EFR3A: variants seen among roughly 807,000 people sequenced by gnomAD.
EFR3A encodes the protein protein EFR3 homolog A.
A neutral mutation model predicts 104.4 loss-of-function variants in EFR3A; 76 were observed. That is an observed-to-expected ratio of 0.73 (90% CI 0.60 to 0.88). The LOEUF (loss-of-function observed/expected upper bound fraction) is 0.88, where lower values mean the gene tolerates loss of function less well. Ranked by LOEUF, EFR3A falls within the 40% of genes least tolerant of loss-of-function variation. The probability of loss-of-function intolerance (pLI) is 0.00; values close to 1 mark genes in which losing one functional copy is unlikely to be tolerated. For synonymous variants in EFR3A, 330 were observed against 330.0 expected (o/e 1.00, Z 0.00); for missense variants, 985 against 1,012.5 (o/e 0.97, Z 0.37).
In EFR3A at chr8:131,940,623, G is replaced by GC. The variant is rs1256494872; in HGVS notation, c.87+54dup. The GC allele has an allele frequency of 1.1e-5, 17 of 1,565,140 alleles. No individual in the cohort carries two copies. In the East Asian group the frequency reaches 1.9e-4, roughly 17 times the overall value. ...ATCCTTCTCTTTGCTGACCCATTCT[G>GC]CCCCCCGCTGACCTCCTTAAGGTTT... is the stretch of plus-strand genomic sequence containing the variant. On this transcript the variant is annotated intron_variant, in intron 2 of 22. Transcript: ENST00000254624.
At chr8:131,925,899 A>C (rs968053048) in intron 1 of EFR3A, among the ~76,000 whole-genome samples, 1 of 152,146 alleles carries the variant, frequency 6.6e-6, no homozygotes, top group Non-Finnish European at 1.5e-5. Flanking sequence ...GTATACAATA[A>C]TGAATATGCC....
chr8:131,904,156 G>A lies in EFR3A; in HGVS notation c.-157G>A. 1.1e-6 allele frequency: 1 copy of A among 887,630 alleles called. No individual in the cohort carries two copies. 55.0% of individuals were successfully genotyped at this position (887,630 alleles called of 1,614,324 possible). On this transcript the variant is annotated 5_prime_UTR_variant, in exon 1 of 23. Transcript: ENST00000254624. Reference sequence around the variant, plus strand: ...GTAGCTGTCGCCCGCTTGGTTGCGTGACCGCGGGGTCCGCGTCCGCTCCCT... The same window carrying A: ...GTAGCTGTCGCCCGCTTGGTTGCGTAACCGCGGGGTCCGCGTCCGCTCCCT...
intron 1 of EFR3A, among the ~76,000 whole-genome samples, chr8:131,912,557 G>A (rs557189080): frequency 1.6e-4 from 25 of 152,190 alleles, no homozygotes; most frequent in African/African-American, 5.5e-4. Context: ...TATCAAATAC[G>A]CAAATCTTAA....
At chr8:131,930,272 C>CT (rs1817524456) in intron 1 of EFR3A, among the ~76,000 whole-genome samples, 1 of 151,948 alleles carries the variant, frequency 6.6e-6, no homozygotes, top group African/African-American at 2.4e-5. Context: ...TACTAGGTTC[C>CT]TTTTTTCCAG....
chr8:131,985,333 CTT>C (rs1242804750), intron 16 of EFR3A, among the ~76,000 whole-genome samples: 1 of 152,044 alleles, frequency 6.6e-6, no homozygotes, highest in African/African-American at 2.4e-5. Flanking sequence ...TATTCTATGA[CTT>C]TTTTCCTTTG....
At chr8:131,921,743 A>G (rs955891936) in intron 1 of EFR3A, among the ~76,000 whole-genome samples, 2 of 152,102 alleles carry the variant, frequency 1.3e-5, no homozygotes, top group Non-Finnish European at 1.5e-5. Flanking sequence ...GTATGTTACT[A>G]TTGAGATGAG....
intron 1 of EFR3A, among the ~76,000 whole-genome samples, chr8:131,927,033 T>G (rs1332417540): frequency 6.6e-6 from 1 of 152,182 alleles, no homozygotes; most frequent in Non-Finnish European, 1.5e-5. Context: ...TCCTTCTCAA[T>G]GTAACATTTC....
At chr8:132,001,257 A>G (rs1297381782) in intron 19 of EFR3A, among the ~76,000 whole-genome samples, 2 of 152,220 alleles carry the variant, frequency 1.3e-5, no homozygotes, top group Non-Finnish European at 2.9e-5. Flanking sequence ...TAACTTTTAA[A>G]TCATTTAAAA....
chr8:131,938,747 G>A (rs1055523304), intron 1 of EFR3A, among the ~76,000 whole-genome samples: 12 of 152,074 alleles, frequency 7.9e-5, no homozygotes, highest in African/African-American at 2.9e-4. Flanking sequence ...ACTCTTTGAA[G>A]TCATCAGGTC....
At chr8:132,005,860 G>GGA (rs1369889716) in intron 22 of EFR3A, among the ~76,000 whole-genome samples, 1 of 151,962 alleles carries the variant, frequency 6.6e-6, no homozygotes, top group Admixed American at 6.6e-5. Flanking sequence ...GACAGATGTG[G>GGA]GACTATAGCA....
intron 1 of EFR3A, among the ~76,000 whole-genome samples, chr8:131,918,720 T>C (rs1703110848): frequency 6.6e-6 from 1 of 152,194 alleles, no homozygotes; most frequent in African/African-American, 2.4e-5. Flanking sequence ...ATCAATGCTG[T>C]TGGTATATTA....
rs1818349085 is a variant in EFR3A, at chr8:131,944,832, G to A, written c.175G>A (p.Ala59Thr). 1.2e-6 allele frequency: 2 copies of A among 1,610,612 alleles called. No homozygotes were observed. Among genetic ancestry groups the A allele is most frequent in the African/African-American group, 1.3e-5 (1 of 74,744 alleles). The change falls in exon 3 of 23, where the codon GCA (alanine) becomes ACA (threonine). Residue 59 changes from alanine to threonine, a missense_variant. By Grantham distance (58) the Ala-to-Thr change is moderately conservative. Coordinates refer to ENST00000254624, the MANE Select transcript of EFR3A (RefSeq NM_015137.6). ...EKLDRIGSYL[A>T]ERLSRDVVRH... Reference sequence around the variant, plus strand: ...ACTGGATCGAATTGGTTCTTACCTGGCAGAAAGGTTGAGCAGGGATGTTGT... The same window carrying A: ...ACTGGATCGAATTGGTTCTTACCTGACAGAAAGGTTGAGCAGGGATGTTGT...
intron 1 of EFR3A, among the ~76,000 whole-genome samples, chr8:131,930,499 G>C (rs1239049487): frequency 8.2e-6 from 1 of 121,526 alleles, no homozygotes; most frequent in African/African-American, 2.8e-5. Flanking sequence ...CAAAGGTCTG[G>C]TCATGTTTTA....
In EFR3A at chr8:132,001,453, A is replaced by G. The variant is rs1280150429; in HGVS notation, c.2158-306A>G. Among the ~76,000 whole-genome samples, 3 of 152,190 alleles carry G rather than the reference A, an allele frequency of 2.0e-5. No homozygotes were observed. In the East Asian group the frequency reaches 5.8e-4, roughly 29 times the overall value. Reference sequence around the variant, plus strand: ...CAGTGGGACTCAAATCTTCTTGTACATCACAGTACTGGGACTGAGTTCTGT... The same window carrying G: ...CAGTGGGACTCAAATCTTCTTGTACGTCACAGTACTGGGACTGAGTTCTGT... On this transcript the variant is annotated intron_variant, in intron 19 of 22. Transcript: ENST00000254624.
At chr8:131,940,314 T>C (rs1818101275) in intron 1 of EFR3A, 185 bp from the exon 2 acceptor site, 1 of 615,276 alleles carries the variant, frequency 1.6e-6, no homozygotes, top group Non-Finnish European at 2.7e-6. Flanking sequence ...CTGTGTGTCT[T>C]TGGAGTAAGG....
intron 18 of EFR3A, among the ~76,000 whole-genome samples, chr8:131,993,522 T>A (rs1821314339): frequency 6.6e-6 from 1 of 152,202 alleles, no homozygotes; most frequent in Non-Finnish European, 1.5e-5. Flanking sequence ...GAAACCAGTT[T>A]CTTGCTGATT....
intron 1 of EFR3A, among the ~76,000 whole-genome samples, chr8:131,913,410 G>A (rs1472673892): frequency 6.6e-6 from 1 of 150,872 alleles, no homozygotes; most frequent in Non-Finnish European, 1.5e-5. Context: ...CTGACTTTAG[G>A]TGTTATTAGA....
At chr8:131,994,935 A>G (rs1821399334) in intron 18 of EFR3A, among the ~76,000 whole-genome samples, 1 of 152,146 alleles carries the variant, frequency 6.6e-6, no homozygotes, top group African/African-American at 2.4e-5. Context: ...GACCTGGGTG[A>G]GTACATTCTT....
At chr8:131,988,312 G>C (rs905104544) in intron 18 of EFR3A, among the ~76,000 whole-genome samples, 1 of 151,848 alleles carries the variant, frequency 6.6e-6, no homozygotes, top group Non-Finnish European at 1.5e-5. Flanking sequence ...ATTTTAATTT[G>C]GTGACTATAT....
Sources: allele counts gnomAD v4.1 joint callset (sites outside exome capture counted in the v4.1 genomes callset), GRCh38; gene constraint gnomAD v4.1.1; transcripts MANE v1.5; gene names NCBI Gene and HGNC (gene_info 2026-07-23, HGNC 2026-07-21).